Variants in TMEM253 observed in about 807,000 individuals in gnomAD.
The protein encoded by TMEM253 is transmembrane protein 253.
TMEM253 carries 22 observed loss-of-function variants against 20.3 expected under a neutral mutation model. The observed-to-expected ratio is 1.08, with a 90% confidence interval of 0.78 to 1.55. TMEM253 has a LOEUF of 1.55. Ranked by LOEUF, TMEM253 falls within the 40% of genes most tolerant of loss-of-function variation. The pLI is 0.00. For synonymous variants in TMEM253, 92 were observed against 102.6 expected, an observed-to-expected ratio of 0.90 and a Z score of 0.62; for missense variants, 251 against 266.1, an observed-to-expected ratio of 0.94 and a Z score of 0.39.
Position 21,101,198 on chromosome 14 carries a change from C to T in TMEM253, c.-37+14C>T, listed in dbSNP as rs1889602944. The T allele has an allele frequency of 1.4e-6, 1 of 719,456 alleles. No homozygotes were observed. Among genetic ancestry groups the T allele is most frequent in the East Asian group, 3.0e-5 (1 of 33,574 alleles). 44.6% of individuals were successfully genotyped at this position (719,456 alleles called of 1,614,324 possible). ...GCTTCAGACTAGGTAGGTGTGAGGA[C>T]CTGGACCTCAAATCCCTGGATATTG... On this transcript the variant is annotated intron_variant, in intron 1 of 6. Transcript: ENST00000556585.
chr14:21,103,223 C>T (rs1271570169), exon 7 of TMEM253: 6 of 1,551,618 alleles, frequency 3.9e-6, no homozygotes, highest in Non-Finnish European at 5.2e-6. Flanking sequence ...GGTGGGACAG[C>T]GGGAACAGAC....
intron 2 of TMEM253, 102 bp from the exon 3 acceptor site, chr14:21,101,763 C>A: frequency 4.4e-6 from 4 of 914,672 alleles, no homozygotes; most frequent in Non-Finnish European, 6.6e-6. Flanking sequence ...TTTCCTCCAC[C>A]CTGCATTCAA....
chr14:21,100,120 T>A (rs1022937433), upstream of TMEM253, among the ~76,000 whole-genome samples: 2 of 152,126 alleles, frequency 1.3e-5, no homozygotes, highest in African/African-American at 4.8e-5. Context: ...CCCAGCAGTT[T>A]GGGAGGCCAA....
intron 4 of TMEM253, 93 bp from the exon 5 acceptor site, chr14:21,102,312 A>C: frequency 6.8e-7 from 1 of 1,474,684 alleles, no homozygotes; most frequent in Non-Finnish European, 9.2e-7. Context: ...TGAGAAGCAG[A>C]AGCTGAGTTT....
At chr14:21,103,488 A>C (rs1594614700) in exon 7 of TMEM253, 3 of 579,670 alleles carry the variant, frequency 5.2e-6, no homozygotes, top group South Asian at 2.3e-5. Context: ...TCTTCCTGTC[A>C]CCTCCCCATA....
intron 6 of TMEM253, 31 bp downstream of exon 6, chr14:21,102,810 C>G (rs1222125142): frequency 1.1e-5 from 17 of 1,541,150 alleles, no homozygotes; most frequent in Non-Finnish European, 1.3e-5. Context: ...GCACGAATAG[C>G]TAGCTGCCAA....
At chr14:21,101,684 A>G in intron 2 of TMEM253, 181 bp from the exon 3 acceptor site, 1 of 652,566 alleles carries the variant, frequency 1.5e-6, no homozygotes, top group Non-Finnish European at 2.6e-6. Context: ...ACTAAACTAC[A>G]ATATGAGGCA....
intron 4 of TMEM253, 91 bp downstream of exon 4, chr14:21,102,211 A>T: frequency 1.4e-6 from 2 of 1,458,916 alleles, no homozygotes; most frequent in South Asian, 2.7e-5. Flanking sequence ...CTAAGTGTTG[A>T]CTCATTCTCT....
chr14:21,098,887 T>C, upstream of TMEM253: 1 of 1,278,962 alleles, frequency 7.8e-7, no homozygotes, highest in Non-Finnish European at 1.0e-6. Flanking sequence ...GGGTTTTATC[T>C]CAAAGCCTCT....
In TMEM253 at chr14:21,102,980, T is replaced by C. The variant is rs1162875032; in HGVS notation, c.535-159T>C. 13 of 1,376,644 alleles carry C rather than the reference T, an allele frequency of 9.4e-6. No homozygotes were observed. The Middle Eastern group carries it at 6.4e-4, about 68-fold the overall frequency. 85.3% of individuals were successfully genotyped at this position (1,376,644 alleles called of 1,614,324 possible). A position where few individuals can be genotyped will look rare whatever the true frequency, so the allele number is the denominator to read the frequency against. On this transcript the variant is annotated intron_variant, in intron 6 of 6. Coordinates refer to ENST00000556585, the Ensembl canonical transcript of TMEM253. ...AGAGGAAACTGGGAATCCAAATGATTGAGGTTAAAAGAGTGGGAAAGCATT... is the reference window on the plus strand; with the variant it reads ...AGAGGAAACTGGGAATCCAAATGATCGAGGTTAAAAGAGTGGGAAAGCATT...
At chr14:21,102,118 A>G in exon 4 of TMEM253, 1 of 1,550,786 alleles carries the variant, frequency 6.4e-7, no homozygotes, top group South Asian at 1.2e-5. Context: ...CCGCCTTTGG[A>G]AGGTGAGAGG....
intron 4 of TMEM253, 52 bp downstream of exon 4, chr14:21,102,172 C>A: frequency 6.6e-7 from 1 of 1,517,844 alleles, no homozygotes; most frequent in Non-Finnish European, 8.9e-7. Context: ...AAACAGACAC[C>A]TACAACCCTC....
At chr14:21,101,810 A>G in intron 2 of TMEM253, 55 bp from the exon 3 acceptor site, 1 of 1,414,766 alleles carries the variant, frequency 7.1e-7, no homozygotes, top group Non-Finnish European at 9.7e-7. Flanking sequence ...AGGAGTTACG[A>G]GAAGGGAGGG....
In TMEM253 at chr14:21,101,210, A is replaced by G. The variant is rs1009534407; in HGVS notation, c.-37+26A>G. The G allele has an allele frequency of 6.2e-6, 5 of 805,842 alleles. No individual in the cohort carries two copies. The Admixed American group carries it at 7.4e-5, about 12-fold the overall frequency. 49.9% of individuals were successfully genotyped at this position (805,842 alleles called of 1,614,324 possible). A position where few individuals can be genotyped will look rare whatever the true frequency, so the allele number is the denominator to read the frequency against. On this transcript the variant is annotated intron_variant, in intron 1 of 6. Transcript: ENST00000556585. ...GTAGGTGTGAGGACCTGGACCTCAA[A>G]TCCCTGGATATTGGGAGTGGGCAGA...
At chr14:21,098,980 ATTAAAG>A (rs1463982869), upstream of TMEM253, 3 of 555,828 alleles carry the variant, frequency 5.4e-6, no homozygotes, top group Admixed American at 1.3e-4. Flanking sequence ...AAGAAACATT[ATTAAAG>A]TTACTCTTCG....
At chr14:21,102,289 C>T in intron 4 of TMEM253, 116 bp from the exon 5 acceptor site, 1 of 1,423,854 alleles carries the variant, frequency 7.0e-7, no homozygotes. Flanking sequence ...GGCTTATGGC[C>T]CTGTTTGGAG....
chr14:21,100,532 G>T (rs1889566803), upstream of TMEM253, among the ~76,000 whole-genome samples: 1 of 150,116 alleles, frequency 6.7e-6, no homozygotes, highest in Admixed American at 6.6e-5. Flanking sequence ...TGAGGACCAT[G>T]AGATAGATAG....
rs1594611421 is a variant in TMEM253 at position 21,101,649 on chromosome 14, G to A, written c.108+198G>A. ...TAATCTCCCAAGTAGCTTCCATCTT[G>A]TGGGGGAAAACATACAGGTAAGTAA... On this transcript the variant is annotated intron_variant, in intron 2 of 6. Coordinates refer to ENST00000556585, the Ensembl canonical transcript of TMEM253. 4 of 656,040 alleles carry A rather than the reference G, an allele frequency of 6.1e-6. No homozygotes were observed. In the Admixed American group the frequency reaches 8.9e-5, roughly 15 times the overall value. The allele number at this position is 656,040 out of a possible 1,614,324, so 40.6% of individuals were successfully genotyped here.
chr14:21,099,402 A>G (rs1298088172), upstream of TMEM253, among the ~76,000 whole-genome samples: 1 of 152,186 alleles, frequency 6.6e-6, no homozygotes, highest in Non-Finnish European at 1.5e-5. Context: ...CATCGCCACC[A>G]AATAAAATCA....
Sources: allele counts gnomAD v4.1 joint callset (sites outside exome capture counted in the v4.1 genomes callset), GRCh38; gene constraint gnomAD v4.1.1; transcripts MANE v1.5; gene names NCBI Gene and HGNC (gene_info 2026-07-23, HGNC 2026-07-21).